The following DDX50 variants were observed in gnomAD, a reference collection of about 807,000 sequenced individuals.
The protein encoded by DDX50 is ATP-dependent RNA helicase DDX50.
In DDX50, 56 loss-of-function variants were observed where a neutral mutation model predicts 94.8. The ratio of observed to expected loss-of-function variants is 0.59; its 90% confidence interval spans 0.48 to 0.74. DDX50 has a LOEUF of 0.74. Among genes scored for constraint, DDX50 ranks in the 30% least tolerant of loss-of-function variants. DDX50 has a pLI of 0.00. For missense variants in DDX50, 713 were observed against 881.2 expected, an observed-to-expected ratio of 0.81 and a Z score of 2.42; for synonymous variants, 264 against 295.4, an observed-to-expected ratio of 0.89 and a Z score of 1.09.
At chr10:68,906,687 C>T (rs1564599202) in intron 1 of DDX50, 24 bp from the exon 2 acceptor site, 1 of 1,593,518 alleles carries the variant, frequency 6.3e-7, no homozygotes, top group East Asian at 2.2e-5. Context: ...ACCATCTTGT[C>T]ATTGCTTCTT....
Position 68,934,943 on chromosome 10 carries a change from G to T in DDX50, c.1521+25G>T. ...AGTAAGTAGAGTTAAATTATTTCAG[G>T]CTTATTGTCTAAATGGTGCCTTAAA... On this transcript the variant is annotated intron_variant, in intron 10 of 14. Transcript: ENST00000373585. This position sits in a 1 kb window ranked among gnomAD's most constrained non-coding sequence, Gnocchi z 4.0. The T allele has an allele frequency of 6.2e-7, 1 of 1,606,220 alleles. No homozygotes were observed. Among genetic ancestry groups the T allele is most frequent in the Non-Finnish European group, 8.5e-7 (1 of 1,176,636 alleles).
intron 8 of DDX50, among the ~76,000 whole-genome samples, chr10:68,924,679 G>A (rs1042210982): frequency 3.3e-5 from 5 of 151,304 alleles, no homozygotes; most frequent in African/African-American, 1.2e-4. Context: ...AAAAAAAAAG[G>A]TCTACTTTCT....
At chr10:68,931,500 G>A (rs541946983) in intron 8 of DDX50, among the ~76,000 whole-genome samples, 10 of 148,818 alleles carry the variant, frequency 6.7e-5, no homozygotes, top group African/African-American at 2.5e-4. Flanking sequence ...GAGTGCAGTG[G>A]CACAGTCTCG....
intron 7 of DDX50, among the ~76,000 whole-genome samples, chr10:68,915,471 A>G (rs185488075): frequency 1.3e-5 from 2 of 151,810 alleles, no homozygotes; most frequent in Admixed American, 1.3e-4. Context: ...TATTCTGAAC[A>G]CTTTGGGAGG....
intron 1 of DDX50, 52 bp downstream of exon 1, chr10:68,901,523 G>A: frequency 1.3e-6 from 2 of 1,530,484 alleles, no homozygotes; most frequent in Non-Finnish European, 1.8e-6. Context: ...GCTTGGGCGG[G>A]GAGGGGAACT....
chr10:68,917,738 G>T (rs929779366), intron 7 of DDX50, among the ~76,000 whole-genome samples: 4 of 152,178 alleles, frequency 2.6e-5, no homozygotes, highest in East Asian at 1.9e-4. Flanking sequence ...GAGTGGCTGG[G>T]ACTACAGGCA....
In DDX50 at chr10:68,936,992, G is replaced by A. The variant is rs919040796; in HGVS notation, c.1652G>A (p.Arg551Lys). ...GATTTTTTCCGACCATCAGCTCAGA[G>A]ACTGATAGAAGAGAAAGGTGCAGTG... ...AVDFFRPSAQ[R>K]LIEEKGAVDA... The change falls in exon 12 of 15, where the codon AGA (arginine) becomes AAA (lysine). Residue 551 changes from arginine (R) to lysine (K), a missense_variant. By Grantham distance (26) the Arg-to-Lys change is conservative. Coordinates refer to ENST00000373585, the MANE Select transcript of DDX50 (RefSeq NM_024045.2). 3.7e-6 allele frequency: 6 copies of A among 1,611,832 alleles called. No individual in the cohort carries two copies. The highest frequency in any genetic ancestry group is 2.2e-4 in the Middle Eastern group (1 of 4,618).
Position 68,913,241 on chromosome 10 carries a change from T to C in DDX50, c.719T>C (p.Val240Ala). Residue 240 changes from valine to alanine, a missense_variant, in exon 5 of 15, where the codon GTG becomes GCG. This residue lies in a region of DDX50 where 285 missense variants were observed against 278.9 expected (regional missense o/e 1.02). Transcript: ENST00000373585. ...DFKDITRKLS[V>A]ACFYGGTSYQ... ...AAAGATATAACTAGGAAACTCAGCG[T>C]GGCGTGTTTTTATGGTGGAACATCA... 6.2e-7 allele frequency: 1 copy of C among 1,613,402 alleles called. No individual in the cohort carries two copies. Among genetic ancestry groups the C allele is most frequent in the South Asian group, 1.1e-5 (1 of 90,736 alleles).
rs1438518108 is a variant in DDX50 at position 68,924,693 on chromosome 10, T to G, written c.1239+4712T>G. 2.0e-5 allele frequency among the ~76,000 whole-genome samples: 3 copies of G among 152,260 alleles called. No homozygotes were observed. In the East Asian group the frequency reaches 5.8e-4, roughly 29 times the overall value. On this transcript the variant is annotated intron_variant, in intron 8 of 14. Transcript: ENST00000373585. Reference sequence around the variant, plus strand: ...AAAAAAAAAAGGTCTACTTTCTAGTTCTAGCTGTGTCTTTCCTCATTTTTC... The same window carrying G: ...AAAAAAAAAAGGTCTACTTTCTAGTGCTAGCTGTGTCTTTCCTCATTTTTC...
chr10:68,906,936 GA>G lies in DDX50; in HGVS notation c.321del (p.Lys107AsnfsTer8). The part of the protein sequence containing the change: ...DLPNGDIDEY[E>X]KKSKRVSSLD... Reference sequence around the variant, plus strand: ...ACCAAATGGAGATATAGATGAATATGAAAAAAAATCAAAGCGAGTATCATCT... The same window carrying G: ...ACCAAATGGAGATATAGATGAATATGAAAAAAATCAAAGCGAGTATCATCT... On this transcript the variant is annotated frameshift_variant, in exon 2 of 15. Coordinates refer to ENST00000373585, the MANE Select transcript of DDX50 (RefSeq NM_024045.2). LOFTEE classifies it high-confidence loss of function. 6 of 1,595,316 alleles carry G rather than the reference GA, an allele frequency of 3.8e-6. No individual in the cohort carries two copies. Among genetic ancestry groups the G allele is most frequent in the South Asian group, 2.3e-5 (2 of 86,430 alleles).
chr10:68,933,511 G>C (rs1842325844), intron 8 of DDX50, among the ~76,000 whole-genome samples: 1 of 152,084 alleles, frequency 6.6e-6, no homozygotes, highest in South Asian at 2.1e-4. Context: ...TTTATCTATA[G>C]ATGTGGATAG....
intron 8 of DDX50, among the ~76,000 whole-genome samples, chr10:68,923,334 C>T (rs1449577030): frequency 2.0e-5 from 3 of 149,828 alleles, no homozygotes; most frequent in Non-Finnish European, 4.4e-5. Flanking sequence ...CCTCAGCCTC[C>T]TGAGTACCTG....
chr10:68,915,037 A>C lies in DDX50; in HGVS notation c.1089+833A>C, dbSNP rs565650564. Among the ~76,000 whole-genome samples the C allele has an allele frequency of 5.1e-3, 720 of 141,702 alleles. 14 individuals carry two copies. Among genetic ancestry groups the C allele is most frequent in the African/African-American group, 0.018 (687 of 38,840 alleles). The allele number at this position is 141,702 out of a possible 152,430, so 93.0% of individuals were successfully genotyped here. ...CCCTGTCTCAAAAAAAAAAAAAAAA[A>C]CCACAGAAGTCAGAAGAAGAATCCA... On this transcript the variant is annotated intron_variant, in intron 7 of 14. Coordinates refer to ENST00000373585, the MANE Select transcript of DDX50 (RefSeq NM_024045.2).
chr10:68,901,894 T>C (rs930389204), intron 1 of DDX50, among the ~76,000 whole-genome samples: 3 of 152,170 alleles, frequency 2.0e-5, no homozygotes, highest in Non-Finnish European at 4.4e-5. Flanking sequence ...GCAAGAATCC[T>C]GGGGAAAGCG....
intron 4 of DDX50, 99 bp downstream of exon 4, chr10:68,911,345 GTT>G (rs879835635): frequency 7.0e-6 from 9 of 1,294,312 alleles, no homozygotes; most frequent in African/African-American, 1.5e-5. Flanking sequence ...AAATAGAAAA[GTT>G]AGCGCTGTGG....
chr10:68,919,724 C>T (rs1841893707), intron 7 of DDX50, 108 bp from the exon 8 acceptor site: 2 of 1,341,660 alleles, frequency 1.5e-6, no homozygotes, highest in East Asian at 5.0e-5. Context: ...CTTTGTCTTA[C>T]AGTCTCCCAG....
At chr10:68,929,311 C>T (rs1022947176) in intron 8 of DDX50, among the ~76,000 whole-genome samples, 10 of 138,660 alleles carry the variant, frequency 7.2e-5, no homozygotes, top group African/African-American at 2.9e-4. Context: ...CTCTCTCTCT[C>T]TCTTTCTTTC....
At chr10:68,931,908 T>C (rs1019717704) in intron 8 of DDX50, among the ~76,000 whole-genome samples, 1 of 152,136 alleles carries the variant, frequency 6.6e-6, no homozygotes, top group Non-Finnish European at 1.5e-5. Context: ...TCCCCATTCT[T>C]TATGTATGAT....
intron 7 of DDX50, among the ~76,000 whole-genome samples, 194 bp downstream of exon 7, chr10:68,914,398 G>A (rs908283039): frequency 2.0e-5 from 3 of 152,138 alleles, no homozygotes; most frequent in African/African-American, 4.8e-5. Flanking sequence ...AAAAAAGCAC[G>A]TGAATAGGCA....
Sources: gnomAD v4.1 joint callset for allele counts (sites outside exome capture counted in the v4.1 genomes callset) on GRCh38, gnomAD v4.1.1 for gene constraint, gnomAD v4.1.1 regional missense constraint, Gnocchi (gnomAD v3.1) non-coding constraint, MANE v1.5 for transcripts, NCBI Gene and HGNC (gene_info 2026-07-23, HGNC 2026-07-21) for gene names.